SCUBE3: variants seen among roughly 807,000 people sequenced by gnomAD.
SCUBE3 encodes signal peptide, CUB and EGF-like domain-containing protein 3.
SCUBE3 carries 33 observed loss-of-function variants against 116.8 expected under a neutral mutation model. That is an observed-to-expected ratio of 0.28 (90% CI 0.21 to 0.38). The LOEUF (loss-of-function observed/expected upper bound fraction) is 0.38, where lower values mean the gene tolerates loss of function less well. SCUBE3 is among the 10% of genes least tolerant of loss of function. The pLI, the probability that SCUBE3 is intolerant of heterozygous loss-of-function variation, is 1.00. For missense variants in SCUBE3, 1,007 were observed against 1,324.8 expected, an observed-to-expected ratio of 0.76 and a Z score of 3.72; for synonymous variants, 418 against 496.9, an observed-to-expected ratio of 0.84 and a Z score of 2.11.
Position 35,239,072 on chromosome 6 carries a change from A to G in SCUBE3, c.830-680A>G, listed in dbSNP as rs569771408. Among the ~76,000 whole-genome samples the G allele has an allele frequency of 1.3e-5, 2 of 152,106 alleles. No homozygotes were observed. Among genetic ancestry groups the G allele is most frequent in the East Asian group, 3.9e-4 (2 of 5,158 alleles). The stretch of plus-strand genomic sequence containing the variant: ...CCAGCTTGGGGAACTTGACCTCAGG[A>G]AGGAAGCCATTCACCAGCCCCCCTT... On this transcript the variant is annotated intron_variant, in intron 7 of 21. Coordinates refer to ENST00000274938, the MANE Select transcript of SCUBE3 (RefSeq NM_152753.4). The surrounding 1 kb of genome is among the most constrained non-coding windows in gnomAD (Gnocchi z 4.1).
intron 20 of SCUBE3, 23 bp downstream of exon 20, chr6:35,246,119 A>G (rs1353254470): frequency 6.2e-7 from 1 of 1,613,680 alleles, no homozygotes; most frequent in Non-Finnish European, 8.5e-7. Flanking sequence ...GGTGGGTGAG[A>G]AGGGGAGGTA....
chr6:35,242,709 C>T lies in SCUBE3; in HGVS notation c.1622C>T (p.Thr541Ile), dbSNP rs757685239. Residue 541 changes from threonine (T) to isoleucine (I), a missense_variant, in exon 14 of 22, where the codon ACC becomes ATC. Physicochemically the swap from Thr to Ile is moderately conservative, Grantham distance 89 (BLOSUM62 -1). Transcript: ENST00000274938. ...AAGGGCAAGGGCCGACGGGCCCGGA[C>T]CCCTCCAGGCAAAGAGGTCACAAGG... ...SRKGKGRRARTPPGKEVTRLT... is the reference protein window; with the variant it reads ...SRKGKGRRARIPPGKEVTRLT... 8 of 1,613,978 alleles carry T rather than the reference C, an allele frequency of 5.0e-6. No homozygotes were observed. In the Admixed American group the frequency reaches 1.2e-4, roughly 24 times the overall value.
chr6:35,227,635 G>C lies in SCUBE3; in HGVS notation c.141G>C (p.Gln47His). 1.9e-6 allele frequency: 3 copies of C among 1,614,140 alleles called. No individual in the cohort carries two copies. Among genetic ancestry groups the C allele is most frequent in the Non-Finnish European group, 1.7e-6 (2 of 1,179,990 alleles). Residue 47 changes from glutamine (Q) to histidine (H), a missense_variant, in exon 2 of 22, where the codon CAG becomes CAC. Coordinates refer to ENST00000274938, the MANE Select transcript of SCUBE3 (RefSeq NM_152753.4). ...TDNCHIDAIC[Q>H]NTPRSYKCIC... ...ACTGCCACATCGATGCTATCTGCCA[G>C]AACACCCCGAGGTCATACAAGTGCA...
rs2150294425 is a variant in SCUBE3 at position 35,228,848 on chromosome 6, C to A, written c.334+109C>A. 2 of 1,168,334 alleles carry A rather than the reference C, an allele frequency of 1.7e-6. No homozygotes were observed. Among genetic ancestry groups the A allele is most frequent in the Non-Finnish European group, 2.5e-6 (2 of 791,012 alleles). 72.4% of individuals were successfully genotyped at this position (1,168,334 alleles called of 1,614,324 possible). A position where few individuals can be genotyped will look rare whatever the true frequency, so the allele number is the denominator to read the frequency against. ...AGGAGAGAGTGATCAAGAAGAGCTA[C>A]ATTCACAAGAGAATAAGGTCAGCCT... On this transcript the variant is annotated intron_variant, in intron 3 of 21. Transcript: ENST00000274938. The surrounding 1 kb of genome is among the most constrained non-coding windows in gnomAD (Gnocchi z 4.9).
chr6:35,227,012 C>A (rs1330279452), intron 1 of SCUBE3, among the ~76,000 whole-genome samples: 1 of 152,182 alleles, frequency 6.6e-6, no homozygotes, highest in East Asian at 1.9e-4. Flanking sequence ...CGAGGAAAAT[C>A]ATCCAGGATG....
chr6:35,218,076 A>G, intron 1 of SCUBE3: 1 of 941,582 alleles, frequency 1.1e-6, no homozygotes, highest in African/African-American at 1.8e-5. Context: ...GCAGAGAAAG[A>G]AGACAGTCAT....
In SCUBE3 at chr6:35,233,114, T is replaced by C. The variant is rs778545277; in HGVS notation, c.596-71T>C. On this transcript the variant is annotated intron_variant, in intron 5 of 21. Transcript: ENST00000274938. This position sits in a 1 kb window ranked among gnomAD's most constrained non-coding sequence, Gnocchi z 5.7. ...GGAGGCAACTAGGCAAGGGGGCCAGTACCCACATTGTGGAAAACTGTGGAT... is the reference window on the plus strand; with the variant it reads ...GGAGGCAACTAGGCAAGGGGGCCAGCACCCACATTGTGGAAAACTGTGGAT... 1.5e-4 allele frequency: 223 copies of C among 1,470,178 alleles called. 1 individual carries two copies. In the Middle Eastern group the frequency reaches 3.0e-3, roughly 20 times the overall value. The allele number at this position is 1,470,178 out of a possible 1,614,324, so 91.1% of individuals were successfully genotyped here.
chr6:35,236,259 C>G (rs1783765461), intron 6 of SCUBE3, among the ~76,000 whole-genome samples: 1 of 152,192 alleles, frequency 6.6e-6, no homozygotes, highest in Admixed American at 6.5e-5. Context: ...CTGCCCCACC[C>G]TGCTCTCAAG....
At chr6:35,224,345 T>C (rs1349000013) in intron 1 of SCUBE3, 1 of 151,964 alleles carries the variant, frequency 6.6e-6, no homozygotes, top group Non-Finnish European at 1.5e-5. Flanking sequence ...AAAAAATCTG[T>C]GGCCAGGTGT....
In SCUBE3 at chr6:35,214,550, G is replaced by A. The variant is rs1186340292; in HGVS notation, c.85+47G>A. On this transcript the variant is annotated intron_variant, in intron 1 of 21. Coordinates refer to ENST00000274938, the MANE Select transcript of SCUBE3 (RefSeq NM_152753.4). This position sits in a 1 kb window ranked among gnomAD's most constrained non-coding sequence, Gnocchi z 6.3. ...GCCTGGGGGCTGTCCTGGCTGCTGG[G>A]CCTCAGGGCCTAGGAGCGATTCCCG... 7.9e-7 allele frequency: 1 copy of A among 1,258,470 alleles called. No homozygotes were observed. The highest frequency in any genetic ancestry group is 1.1e-6 in the Non-Finnish European group (1 of 940,704). The allele number at this position is 1,258,470 out of a possible 1,614,324, so 78.0% of individuals were successfully genotyped here.
Position 35,243,710 on chromosome 6 carries a change from G to A in SCUBE3, c.2026G>A (p.Asp676Asn), listed in dbSNP as rs1205933947. 1 of 1,614,158 alleles carries A rather than the reference G, an allele frequency of 6.2e-7. No homozygotes were observed. The highest frequency in any genetic ancestry group is 1.1e-5 in the South Asian group (1 of 91,084). ...CTCCTGCGACCTTTGCCCTGGGAGT[G>A]ATGCCCACGGGCCTCTTGGAGCCAC... ...QLSCDLCPGS[D>N]AHGPLGATNV... is the part of the protein sequence containing the mutation. The change falls in exon 16 of 22, where the codon GAT (aspartate) becomes AAT (asparagine). Residue 676 changes from aspartate (D) to asparagine (N), a missense_variant. Physicochemically the swap from Asp to Asn is conservative, Grantham distance 23. Coordinates refer to ENST00000274938, the MANE Select transcript of SCUBE3 (RefSeq NM_152753.4). This position sits in a 1 kb window ranked among gnomAD's most constrained non-coding sequence, Gnocchi z 6.6.
intron 1 of SCUBE3, among the ~76,000 whole-genome samples, chr6:35,220,071 T>C (rs561919605): frequency 1.3e-5 from 2 of 152,348 alleles, no homozygotes; most frequent in East Asian, 3.9e-4. Flanking sequence ...CATGTACATT[T>C]CAGCTCCTTC....
Position 35,214,364 on chromosome 6 carries a change from C to G in SCUBE3, c.-55C>G. The G allele has an allele frequency of 1.6e-6, 2 of 1,221,026 alleles. No homozygotes were observed. Among genetic ancestry groups the G allele is most frequent in the South Asian group, 3.7e-5 (2 of 54,692 alleles). The allele number at this position is 1,221,026 out of a possible 1,614,324, so 75.6% of individuals were successfully genotyped here. A position where few individuals can be genotyped will look rare whatever the true frequency, so the allele number is the denominator to read the frequency against. ...CGAGCTGGGATCCGGCCGGCTTCCG[C>G]CCTCCCCTGGCCGCGAGACCGGCCC... On this transcript the variant is annotated 5_prime_UTR_variant, in exon 1 of 22. Coordinates refer to ENST00000274938, the MANE Select transcript of SCUBE3 (RefSeq NM_152753.4). The surrounding 1 kb of genome is among the most constrained non-coding windows in gnomAD (Gnocchi z 6.3).
At position 35,241,563 on chromosome 6, in the gene SCUBE3, A is replaced by C; in HGVS notation, c.1216A>C (p.Ser406Arg). The change falls in exon 11 of 22, where the codon AGT (serine) becomes CGT (arginine). Residue 406 changes from serine to arginine, a missense_variant. Around this residue, in one of 5 missense-constraint regions of SCUBE3, gnomAD observed 544 missense variants for 638.9 expected, o/e 0.85. Transcript: ENST00000274938. This position sits in a 1 kb window ranked among gnomAD's most constrained non-coding sequence, Gnocchi z 4.1. Reference protein sequence around the residue: ...DCTEPLKCQGSPGASKAMLSC... With the variant: ...DCTEPLKCQGRPGASKAMLSC... ...CCTAGAGCCACTGAAGTGTCAGGGCAGTCCTGGGGCCTCGAAAGCCATGCT... is the reference window on the plus strand; with the variant it reads ...CCTAGAGCCACTGAAGTGTCAGGGCCGTCCTGGGGCCTCGAAAGCCATGCT... The C allele has an allele frequency of 6.2e-7, 1 of 1,613,866 alleles. No individual in the cohort carries two copies. The highest frequency in any genetic ancestry group is 8.5e-7 in the Non-Finnish European group (1 of 1,179,700).
Position 35,228,628 on chromosome 6 carries a change from G to C in SCUBE3, c.223G>C (p.Glu75Gln). Residue 75 changes from glutamate to glutamine, a missense_variant, in exon 3 of 22, where the codon GAG becomes CAG. By Grantham distance (29) the Glu-to-Gln change is conservative (BLOSUM62 2). Around this residue, in one of 5 missense-constraint regions of SCUBE3, gnomAD observed 37 missense variants for 80.6 expected, o/e 0.46. Coordinates refer to ENST00000274938, the MANE Select transcript of SCUBE3 (RefSeq NM_152753.4). This position sits in a 1 kb window ranked among gnomAD's most constrained non-coding sequence, Gnocchi z 4.9. Reference sequence around the variant, plus strand: ...TTTGCCCACAGACGTGGATGAGTGCGAGCGAGAGGATAATGCAGGTTGTGT... The same window carrying C: ...TTTGCCCACAGACGTGGATGAGTGCCAGCGAGAGGATAATGCAGGTTGTGT... ...GKHCKDVDEC[E>Q]REDNAGCVHD... 1.9e-6 allele frequency: 3 copies of C among 1,614,064 alleles called. No individual in the cohort carries two copies. Among genetic ancestry groups the C allele is most frequent in the Non-Finnish European group, 2.5e-6 (3 of 1,179,932 alleles).
Position 35,245,122 on chromosome 6 carries a change from C to G in SCUBE3, c.2402-106C>G. The G allele has an allele frequency of 9.9e-7, 1 of 1,011,812 alleles. No homozygotes were observed. The highest frequency in any genetic ancestry group is 1.5e-6 in the Non-Finnish European group (1 of 654,632). The allele number at this position is 1,011,812 out of a possible 1,614,324, so 62.7% of individuals were successfully genotyped here. A position where few individuals can be genotyped will look rare whatever the true frequency, so the allele number is the denominator to read the frequency against. On this transcript the variant is annotated intron_variant, in intron 18 of 21. Coordinates refer to ENST00000274938, the MANE Select transcript of SCUBE3 (RefSeq NM_152753.4). This position sits in a 1 kb window ranked among gnomAD's most constrained non-coding sequence, Gnocchi z 4.2. Reference sequence around the variant, plus strand: ...TAATGATGAACTAGAACGCAGACTTCCCATAAATGTCTGACCTCTACTTCA... The same window carrying G: ...TAATGATGAACTAGAACGCAGACTTGCCATAAATGTCTGACCTCTACTTCA...
rs760378039 is a variant in SCUBE3 at position 35,243,658 on chromosome 6, C to A, written c.1974C>A (p.Gly658=). Residue 658 remains glycine, a synonymous_variant, in exon 16 of 22, where the codon GGC becomes GGA. Transcript: ENST00000274938. This position sits in a 1 kb window ranked among gnomAD's most constrained non-coding sequence, Gnocchi z 6.6. The stretch of plus-strand genomic sequence containing the variant: ...AGCAGTGTGTGCCATGCCCAGCGGG[C>A]ACCTTCCAGGAGAGAGAAGGGCAGC... ...QTEQCVPCPA[G]TFQEREGQLS... is the part of the protein sequence containing the mutation. 6.2e-7 allele frequency: 1 copy of A among 1,614,086 alleles called. No individual in the cohort carries two copies. Among genetic ancestry groups the A allele is most frequent in the South Asian group, 1.1e-5 (1 of 91,078 alleles).
chr6:35,216,295 A>G (rs1782888862), intron 1 of SCUBE3, among the ~76,000 whole-genome samples: 1 of 152,212 alleles, frequency 6.6e-6, no homozygotes, highest in Non-Finnish European at 1.5e-5. Flanking sequence ...CCTGCTGGGT[A>G]CTGAGGAACA....
chr6:35,225,067 T>C (rs1783272412), intron 1 of SCUBE3, among the ~76,000 whole-genome samples: 1 of 152,238 alleles, frequency 6.6e-6, no homozygotes, highest in South Asian at 2.1e-4. Flanking sequence ...CACATGTGGC[T>C]AGTGGCTGTC....
Sources: allele counts gnomAD v4.1 joint callset (sites outside exome capture counted in the v4.1 genomes callset), GRCh38; gene constraint gnomAD v4.1.1; regional missense constraint gnomAD v4.1.1; non-coding constraint Gnocchi (gnomAD v3.1); transcripts MANE v1.5; gene names NCBI Gene and HGNC (gene_info 2026-07-23, HGNC 2026-07-21).